The following RTN3 variants were observed in gnomAD, a reference collection of about 807,000 sequenced individuals.
RTN3 encodes the protein reticulon 3.
Under a neutral mutation model 77.8 loss-of-function variants are expected in RTN3, and 49 were observed. The observed-to-expected ratio is 0.63, with a 90% CI of 0.50 to 0.80. RTN3 has a LOEUF of 0.80. RTN3 is among the 30% of genes least tolerant of loss of function. The pLI is 0.00. For synonymous variants in RTN3, 464 were observed against 446.9 expected (o/e 1.04, Z -0.48); for missense variants, 1,236 against 1,211.9 (o/e 1.02, Z -0.29).
At position 63,693,077 on chromosome 11, in the gene RTN3, C is replaced by A. The variant is rs1285325908; in HGVS notation, c.142+11299C>A. On this transcript the variant is annotated intron_variant, in intron 1 of 8. Coordinates refer to ENST00000377819, the MANE Select transcript of RTN3 (RefSeq NM_001265589.2). ...GGCATAAGCCACCATGCCCAGCTTCCTTATTGGTTTTGTCCAGCAACTAAA... is the reference window on the plus strand; with the variant it reads ...GGCATAAGCCACCATGCCCAGCTTCATTATTGGTTTTGTCCAGCAACTAAA... Among the ~76,000 whole-genome samples the A allele has an allele frequency of 3.3e-5, 5 of 152,106 alleles. No homozygotes were observed. The East Asian group carries it at 9.6e-4, about 29-fold the overall frequency.
At chr11:63,745,571 A>G (rs1338728830) in intron 3 of RTN3, among the ~76,000 whole-genome samples, 3 of 152,102 alleles carry the variant, frequency 2.0e-5, no homozygotes, top group African/African-American at 7.2e-5. Context: ...ATCTTTTCCA[A>G]GCTCTTCCTC....
chr11:63,706,094 A>T (rs1353050980), intron 2 of RTN3, among the ~76,000 whole-genome samples: 3 of 152,216 alleles, frequency 2.0e-5, no homozygotes, highest in African/African-American at 7.2e-5. Context: ...AAGAATAAAA[A>T]CATAATGGGA....
At chr11:63,684,129 G>GTTTTTTTTTTTTTTTTTTT (rs61663789) in intron 1 of RTN3, among the ~76,000 whole-genome samples, 8 of 85,272 alleles carry the variant, frequency 9.4e-5, no homozygotes, top group African/African-American at 3.1e-4. Flanking sequence ...TTTTCTTTTG[G>GTTTTTTTTTTTTTTTTTTT]TTTTTTTTTT....
chr11:63,754,425 G>A (rs1305834649), intron 7 of RTN3, among the ~76,000 whole-genome samples: 1 of 152,180 alleles, frequency 6.6e-6, no homozygotes, highest in Non-Finnish European at 1.5e-5. Context: ...GTGGGGCCAG[G>A]CACGGTGGCT....
chr11:63,706,413 ACTC>A lies in RTN3; in HGVS notation c.199+1510_199+1512del, dbSNP rs759648377. 2.6e-5 allele frequency among the ~76,000 whole-genome samples: 4 copies of A among 151,968 alleles called. No individual in the cohort carries two copies. In the East Asian group the frequency reaches 5.8e-4, roughly 22 times the overall value. On this transcript the variant is annotated intron_variant, in intron 2 of 8. Transcript: ENST00000377819. ...GCTATGTTGCCCAGGCTGGTCTCGA[ACTC>A]CTCAGCCAGTCTGGCTCAGCCAGTC...
intron 2 of RTN3, among the ~76,000 whole-genome samples, chr11:63,717,870 C>T (rs1051760992): frequency 4.0e-5 from 6 of 151,738 alleles, no homozygotes; most frequent in Non-Finnish European, 8.8e-5. Context: ...CAAAAATTAG[C>T]TGGGCTTGAT....
chr11:63,731,744 C>T (rs1056239376), intron 3 of RTN3, among the ~76,000 whole-genome samples: 5 of 152,202 alleles, frequency 3.3e-5, no homozygotes, highest in Non-Finnish European at 4.4e-5. Flanking sequence ...CCTCTGCCTC[C>T]CGGGTTCAAA....
chr11:63,741,307 A>G (rs541361913), intron 3 of RTN3, among the ~76,000 whole-genome samples: 4 of 151,104 alleles, frequency 2.6e-5, no homozygotes, highest in East Asian at 3.9e-4. Flanking sequence ...GGTTCAATCA[A>G]TTCTTGTGCC....
intron 3 of RTN3, among the ~76,000 whole-genome samples, chr11:63,730,387 C>T (rs2012605671): frequency 6.6e-6 from 1 of 152,156 alleles, no homozygotes; most frequent in South Asian, 2.1e-4. Context: ...AAGCTTTTAT[C>T]AGAAATAAAT....
chr11:63,698,855 C>A (rs1942093202), intron 1 of RTN3: 1 of 160,882 alleles, frequency 6.2e-6, no homozygotes, highest in African/African-American at 2.4e-5. Context: ...TGTCAGTTCT[C>A]ACCCAAATGT....
chr11:63,711,159 A>C (rs1330274868), intron 2 of RTN3, among the ~76,000 whole-genome samples: 1 of 152,010 alleles, frequency 6.6e-6, no homozygotes, highest in East Asian at 1.9e-4. Context: ...GCACGCTTCT[A>C]GTCCCAGCTA....
At position 63,699,454 on chromosome 11, in the gene RTN3, C is replaced by A. The variant is rs373845772; in HGVS notation, c.143-5397C>A. 5.9e-5 allele frequency among the ~76,000 whole-genome samples: 9 copies of A among 152,300 alleles called. No homozygotes were observed. In the East Asian group the frequency reaches 1.7e-3, roughly 29 times the overall value. On this transcript the variant is annotated intron_variant, in intron 1 of 8. Coordinates refer to ENST00000377819, the MANE Select transcript of RTN3 (RefSeq NM_001265589.2). Reference sequence around the variant, plus strand: ...TTGTCAGCAGTCCTCTCATTCCCATCCTCACTGCCTTAGTGCGAGCCCTTA... The same window carrying A: ...TTGTCAGCAGTCCTCTCATTCCCATACTCACTGCCTTAGTGCGAGCCCTTA...
chr11:63,714,986 G>A (rs1438433051), intron 2 of RTN3, among the ~76,000 whole-genome samples: 1 of 152,184 alleles, frequency 6.6e-6, no homozygotes, highest in Admixed American at 6.5e-5. Flanking sequence ...AGCAAAGCTT[G>A]ATAAACTGAC....
intron 3 of RTN3, among the ~76,000 whole-genome samples, chr11:63,732,496 A>G (rs77377512): frequency 1.4e-5 from 2 of 141,134 alleles, no homozygotes; most frequent in Admixed American, 7.0e-5. Context: ...ACTGGACAAG[A>G]AAAAAAAAAA....
intron 2 of RTN3, 80 bp downstream of exon 2, chr11:63,704,987 AG>A: frequency 9.8e-7 from 1 of 1,019,028 alleles, no homozygotes; most frequent in South Asian, 1.3e-5. Context: ...ACGAGGCACA[AG>A]TCTTCTATTG....
chr11:63,712,897 A>G (rs1262060285), intron 2 of RTN3, among the ~76,000 whole-genome samples: 1 of 152,088 alleles, frequency 6.6e-6, no homozygotes, highest in Admixed American at 6.6e-5. Flanking sequence ...GGAGTTCCAG[A>G]CCAGCCTAAC....
chr11:63,707,760 G>C (rs190501306), intron 2 of RTN3, among the ~76,000 whole-genome samples: 96 of 152,208 alleles, frequency 6.3e-4, no homozygotes, highest in Non-Finnish European at 1.2e-3. Context: ...CTTGAACCCG[G>C]GGGACAGAGG....
chr11:63,721,853 C>T (rs1195180186), intron 3 of RTN3, among the ~76,000 whole-genome samples: 1 of 152,138 alleles, frequency 6.6e-6, no homozygotes, highest in Admixed American at 6.5e-5. Flanking sequence ...TGATCGTATA[C>T]TATAGAGATT....
chr11:63,719,841 C>G lies in RTN3; in HGVS notation c.1339C>G (p.Leu447Val). ...CAATATGCAGAAACAGGATGACACA[C>G]TTGCAGAATTACCTGGATCTCCACC... ...QGNMQKQDDT[L>V]AELPGSPPEK... The change falls in exon 3 of 9, where the codon CTT becomes GTT. Residue 447 changes from leucine to valine, a missense_variant. Around this residue, in one of 3 missense-constraint regions of RTN3, gnomAD observed 1,056 missense variants for 990.4 expected, o/e 1.07. Transcript: ENST00000377819. 1 of 1,614,170 alleles carries G rather than the reference C, an allele frequency of 6.2e-7. No homozygotes were observed. Among genetic ancestry groups the G allele is most frequent in the South Asian group, 1.1e-5 (1 of 91,082 alleles).
Sources: allele counts gnomAD v4.1 joint callset (sites outside exome capture counted in the v4.1 genomes callset), GRCh38; gene constraint gnomAD v4.1.1; regional missense constraint gnomAD v4.1.1; transcripts MANE v1.5; gene names NCBI Gene and HGNC (gene_info 2026-07-23, HGNC 2026-07-21).